ANKS1B: variants seen among roughly 807,000 people sequenced by gnomAD.
The protein encoded by ANKS1B is ankyrin repeat and sterile alpha motif domain-containing protein 1B.
In ANKS1B, 36 loss-of-function variants were observed where a neutral mutation model predicts 148.3. That is an observed-to-expected ratio of 0.24 (90% CI 0.19 to 0.32). The LOEUF (loss-of-function observed/expected upper bound fraction) is 0.32, where lower values mean the gene tolerates loss of function less well. Among genes scored for constraint, ANKS1B ranks in the 10% least tolerant of loss-of-function variants. The pLI is 1.00. For synonymous variants in ANKS1B, 542 were observed against 560.8 expected, an observed-to-expected ratio of 0.97 and a Z score of 0.47; for missense variants, 1,157 against 1,542.6, an observed-to-expected ratio of 0.75 and a Z score of 4.19.
At chr12:99,606,450 T>C (rs2097852188) in intron 9 of ANKS1B, among the ~76,000 whole-genome samples, 1 of 151,980 alleles carries the variant, frequency 6.6e-6, no homozygotes, top group Admixed American at 6.6e-5. Flanking sequence ...GTAGCAAACT[T>C]TGTGAACTGT....
intron 16 of ANKS1B, among the ~76,000 whole-genome samples, chr12:99,063,490 G>A (rs965812253): frequency 1.3e-5 from 2 of 152,146 alleles, no homozygotes; most frequent in African/African-American, 4.8e-5. Context: ...CTCTTAAAAG[G>A]CTGATTGAAC....
intron 12 of ANKS1B, among the ~76,000 whole-genome samples, chr12:99,329,121 T>C (rs908398628): frequency 9.2e-5 from 14 of 151,928 alleles, no homozygotes; most frequent in African/African-American, 2.7e-4. Context: ...GCCTAATATA[T>C]GTGTAATTGG....
intron 4 of ANKS1B, among the ~76,000 whole-genome samples, chr12:99,783,176 G>T (rs1302081553): frequency 6.7e-6 from 1 of 148,156 alleles, no homozygotes; most frequent in Non-Finnish European, 1.5e-5. Flanking sequence ...GGGTGACAGA[G>T]TGAGAATCCA....
intron 9 of ANKS1B, among the ~76,000 whole-genome samples, chr12:99,534,106 A>T (rs2097034088): frequency 2.0e-5 from 3 of 152,222 alleles, no homozygotes; most frequent in Admixed American, 1.3e-4. Context: ...ATCCTTGAAA[A>T]ATCTGGAACA....
intron 17 of ANKS1B, among the ~76,000 whole-genome samples, chr12:98,840,913 T>C (rs932764408): frequency 1.2e-4 from 19 of 152,162 alleles, no homozygotes; most frequent in Admixed American, 1.2e-3. Flanking sequence ...AAAAATTTGT[T>C]ACAAAAGAAA....
chr12:99,021,177 T>C lies in ANKS1B; in HGVS notation c.2778+31980A>G, dbSNP rs1304548741. On this transcript the variant is annotated intron_variant, in intron 17 of 26. Transcript: ENST00000683438. ...TCAGTGTCAGAGCCAGAATTCCAAT[T>C]CATGTCTACATTTCCAAAGCCCATG... Among the ~76,000 whole-genome samples the C allele has an allele frequency of 2.0e-5, 3 of 152,128 alleles. No individual in the cohort carries two copies. The East Asian group carries it at 5.8e-4, about 29-fold the overall frequency.
At chr12:99,261,243 C>T (rs1485325814) in intron 12 of ANKS1B, among the ~76,000 whole-genome samples, 3 of 152,078 alleles carry the variant, frequency 2.0e-5, no homozygotes, top group Admixed American at 6.6e-5. Context: ...CTTACTTGAC[C>T]TACCAGCTAT....
chr12:99,213,527 C>A (rs1173557739), intron 14 of ANKS1B, among the ~76,000 whole-genome samples: 1 of 152,140 alleles, frequency 6.6e-6, no homozygotes, highest in Admixed American at 6.5e-5. Context: ...AAGCAGATTA[C>A]CTTTGAAGTA....
chr12:99,826,795 CA>C (rs2083247489), intron 1 of ANKS1B, among the ~76,000 whole-genome samples: 1 of 151,856 alleles, frequency 6.6e-6, no homozygotes, highest in Admixed American at 6.6e-5. Context: ...CCCAAATAGC[CA>C]AAACAATTCT....
intron 14 of ANKS1B, 73 bp downstream of exon 14, chr12:99,244,269 A>G (rs903286721): frequency 7.7e-6 from 8 of 1,035,400 alleles, no homozygotes; most frequent in Non-Finnish European, 1.1e-5. Context: ...GCAATTATCT[A>G]AAGATTCCTA....
At chr12:99,278,373 T>A (rs80289901) in intron 12 of ANKS1B, among the ~76,000 whole-genome samples, 6,868 of 152,312 alleles carry the variant, frequency 0.045, 581 homozygotes, top group East Asian at 0.31. Context: ...GGTCCCATCA[T>A]TTGGACTTTA....
At position 98,745,210 on chromosome 12, in the gene ANKS1B, T is replaced by G; in HGVS notation, c.*529A>C. ...ATGGGGAAACAGAATCTCCTGGCAA[T>G]CATATCACGGGAGTTGTTTTTGTCC... On this transcript the variant is annotated 3_prime_UTR_variant, in exon 27 of 27. Coordinates refer to ENST00000683438, the MANE Select transcript of ANKS1B (RefSeq NM_001352186.2). 1 of 985,756 alleles carries G rather than the reference T, an allele frequency of 1.0e-6. No homozygotes were observed. Among genetic ancestry groups the G allele is most frequent in the Non-Finnish European group, 1.2e-6 (1 of 829,922 alleles). The allele number at this position is 985,756 out of a possible 1,614,324, so 61.1% of individuals were successfully genotyped here. A position where few individuals can be genotyped will look rare whatever the true frequency, so the allele number is the denominator to read the frequency against.
chr12:99,896,197 T>G (rs2093378129), intron 1 of ANKS1B, among the ~76,000 whole-genome samples: 1 of 151,102 alleles, frequency 6.6e-6, no homozygotes, highest in African/African-American at 2.4e-5. Flanking sequence ...GTGTCCTACA[T>G]AACTGAAATT....
At chr12:99,226,002 G>C (rs980669860) in intron 14 of ANKS1B, among the ~76,000 whole-genome samples, 1 of 151,962 alleles carries the variant, frequency 6.6e-6, no homozygotes, top group Non-Finnish European at 1.5e-5. Context: ...ATACTATCTA[G>C]TTCATACCTT....
chr12:98,979,122 A>G (rs965536466), intron 17 of ANKS1B, among the ~76,000 whole-genome samples: 4 of 151,320 alleles, frequency 2.6e-5, no homozygotes, highest in Non-Finnish European at 5.9e-5. Flanking sequence ...AGCCTGGGCA[A>G]CAGAGCGAGA....
At chr12:99,622,501 C>G (rs1364984661) in intron 9 of ANKS1B, among the ~76,000 whole-genome samples, 3 of 151,726 alleles carry the variant, frequency 2.0e-5, no homozygotes, top group Non-Finnish European at 4.4e-5. Context: ...TACTGCTAAA[C>G]AGATTAACAA....
At chr12:98,992,872 A>G (rs2099927447) in intron 17 of ANKS1B, among the ~76,000 whole-genome samples, 1 of 152,158 alleles carries the variant, frequency 6.6e-6, no homozygotes, top group African/African-American at 2.4e-5. Context: ...ACGAGCAAGG[A>G]TCTATGATGC....
chr12:99,729,783 G>C (rs144752672), intron 8 of ANKS1B, among the ~76,000 whole-genome samples: 1 of 152,274 alleles, frequency 6.6e-6, no homozygotes, highest in East Asian at 1.9e-4. Flanking sequence ...CTCTAAGCTT[G>C]TTATTATTTG....
chr12:99,179,058 T>C (rs1040818685), intron 14 of ANKS1B, among the ~76,000 whole-genome samples: 51 of 152,180 alleles, frequency 3.4e-4, no homozygotes, highest in African/African-American at 1.2e-3. Flanking sequence ...TTCTATAAAC[T>C]ATAGTAATTA....
Sources: gnomAD v4.1 joint callset for allele counts (sites outside exome capture counted in the v4.1 genomes callset) on GRCh38, gnomAD v4.1.1 for gene constraint, MANE v1.5 for transcripts, NCBI Gene and HGNC (gene_info 2026-07-23, HGNC 2026-07-21) for gene names.